DMD: variants seen among roughly 807,000 people sequenced by gnomAD.
DMD encodes the protein mutant dystrophin.
In DMD, 63 loss-of-function variants were observed where a neutral mutation model predicts 330.1. The observed-to-expected ratio is 0.19, with a 90% CI of 0.16 to 0.24. DMD has a LOEUF of 0.24. DMD is among the 10% of genes least tolerant of loss of function. The pLI is 1.00. For missense variants in DMD, 3,344 were observed against 2,684.1 expected, an observed-to-expected ratio of 1.25 and a Z score of -5.43; for synonymous variants, 1,223 against 959.8, an observed-to-expected ratio of 1.27 and a Z score of -5.07.
intron 18 of DMD, chrX:32,517,677 T>C (rs1314368237): frequency 2.9e-6 from 1 of 339,226 alleles, no homozygotes; most frequent in Non-Finnish European, 5.1e-6. Context: ...TGTGCAAGCT[T>C]GCTAAGGCCT....
intron 7 of DMD, among the ~76,000 whole-genome samples, chrX:32,800,935 T>C (rs1435353567): frequency 8.9e-6 from 1 of 111,803 alleles, no homozygotes; most frequent in African/African-American, 3.3e-5. Flanking sequence ...CAAATTTTCT[T>C]TATCCAGTCT....
chrX:31,873,859 G>A (rs761390645), intron 48 of DMD, among the ~76,000 whole-genome samples: 3 of 111,576 alleles, frequency 2.7e-5, no homozygotes, highest in African/African-American at 6.5e-5. Flanking sequence ...TATCTCATTC[G>A]TATTCTGGGT....
At chrX:32,331,397 A>G (rs992837558) in intron 41 of DMD, among the ~76,000 whole-genome samples, 1 of 111,892 alleles carries the variant, frequency 8.9e-6, no homozygotes, top group Non-Finnish European at 1.9e-5. Context: ...ATATTTTTTT[A>G]ATTTTATCAG....
At chrX:32,021,356 C>T (rs2095804570) in intron 44 of DMD, among the ~76,000 whole-genome samples, 2 of 111,828 alleles carry the variant, frequency 1.8e-5, no homozygotes, top group African/African-American at 6.5e-5. Flanking sequence ...GATACAAATA[C>T]AGGTGTTGAA....
At chrX:33,209,287 C>G (rs183801705) in intron 1 of DMD, among the ~76,000 whole-genome samples, 1,522 of 111,311 alleles carry the variant, frequency 0.014, 13 homozygotes, top group Non-Finnish European at 0.022. Flanking sequence ...CAATTTAGAT[C>G]AGCAATCTCT....
upstream of DMD, among the ~76,000 whole-genome samples, chrX:33,213,372 A>T (rs1290229837): frequency 1.8e-5 from 2 of 111,863 alleles, no homozygotes; most frequent in African/African-American, 6.5e-5. Context: ...GAATGCATAT[A>T]CTTCCCTTAA....
chrX:33,081,007 C>CACAA (rs1441153335), intron 1 of DMD, among the ~76,000 whole-genome samples: 2 of 97,999 alleles, frequency 2.0e-5, no homozygotes, highest in African/African-American at 8.2e-5. Context: ...CACACACACA[C>CACAA]AAAAACACAT....
intron 59 of DMD, among the ~76,000 whole-genome samples, chrX:31,448,011 CAAAAA>C (rs1198070119): frequency 2.8e-5 from 1 of 35,305 alleles, no homozygotes; most frequent in African/African-American, 9.1e-5. Context: ...ACTCTGTCTC[CAAAAA>C]AAAAAAAAAA....
intron 43 of DMD, 119 bp downstream of exon 43, chrX:32,287,410 T>C: frequency 1.5e-6 from 1 of 656,454 alleles, no homozygotes; most frequent in Non-Finnish European, 2.4e-6. Flanking sequence ...CATTTTTCAA[T>C]GAGAGTGATA....
intron 7 of DMD, among the ~76,000 whole-genome samples, chrX:32,753,069 C>T (rs907298710): frequency 9.0e-6 from 1 of 111,000 alleles, no homozygotes; most frequent in Non-Finnish European, 1.9e-5. Context: ...CTTTCCATCC[C>T]CACCTGTATT....
At chrX:31,265,031 G>A (rs1361931546) in intron 62 of DMD, among the ~76,000 whole-genome samples, 2 of 112,724 alleles carry the variant, frequency 1.8e-5, no homozygotes, top group Non-Finnish European at 3.7e-5. Flanking sequence ...TGCCACCATT[G>A]TTATTTGGTA....
chrX:31,528,352 T>C (rs1019095441), intron 55 of DMD, among the ~76,000 whole-genome samples: 2 of 112,359 alleles, frequency 1.8e-5, no homozygotes, highest in African/African-American at 6.5e-5. Flanking sequence ...ATTCAACAGT[T>C]TCATAACATG....
At chrX:32,820,156 T>C (rs375039742) in intron 5 of DMD, among the ~76,000 whole-genome samples, 6 of 112,421 alleles carry the variant, frequency 5.3e-5, no homozygotes, top group African/African-American at 6.4e-5. Flanking sequence ...TAATGAAAAA[T>C]GGGCTGGGTG....
chrX:33,292,798 C>T (rs759310776), intron 1 of DMD, among the ~76,000 whole-genome samples: 19 of 111,362 alleles, frequency 1.7e-4, no homozygotes, highest in African/African-American at 5.9e-4. Flanking sequence ...CTATTAAACC[C>T]TGTTTCATTT....
At chrX:31,766,779 G>T (rs752834728) in intron 51 of DMD, among the ~76,000 whole-genome samples, 3 of 111,166 alleles carry the variant, frequency 2.7e-5, no homozygotes, top group African/African-American at 9.8e-5. Flanking sequence ...GTGTAGTTTA[G>T]TATAGTTTAT....
At chrX:32,585,710 A>AAAAAAAAAAAAAAAAAAAAAAAAAAAG (rs2054201534) in intron 13 of DMD, among the ~76,000 whole-genome samples, 3 of 97,942 alleles carry the variant, frequency 3.1e-5, no homozygotes, top group Non-Finnish European at 6.4e-5. Context: ...AAAAAAAAAA[A>AAAAAAAAAAAAAAAAAAAAAAAAAAAG]AAAAAAAAAA....
intron 1 of DMD, among the ~76,000 whole-genome samples, chrX:33,165,198 T>G (rs757402282): frequency 9.0e-6 from 1 of 111,690 alleles, no homozygotes; most frequent in South Asian, 3.7e-4. Flanking sequence ...CTGCTGCTCC[T>G]TCCTCCTACA....
intron 7 of DMD, among the ~76,000 whole-genome samples, chrX:32,737,775 G>A (rs528503622): frequency 7.2e-5 from 8 of 111,532 alleles, no homozygotes; most frequent in South Asian, 7.5e-4. Flanking sequence ...CTTCTAATGC[G>A]TTACATCAAT....
At chrX:31,803,647 T>C (rs1232595044) in intron 50 of DMD, among the ~76,000 whole-genome samples, 1 of 87,993 alleles carries the variant, frequency 1.1e-5, no homozygotes, top group Non-Finnish European at 2.3e-5. Context: ...TTCCTTCCTT[T>C]CTTTGTCTTC....
Sources: gnomAD v4.1 joint callset for allele counts (sites outside exome capture counted in the v4.1 genomes callset) on GRCh38, gnomAD v4.1.1 for gene constraint, MANE v1.5 for transcripts, NCBI Gene and HGNC (gene_info 2026-07-23, HGNC 2026-07-21) for gene names.